ITPKC: variants seen among roughly 807,000 people sequenced by gnomAD.
ITPKC encodes IP3 3-kinase C.
In ITPKC, 33 loss-of-function variants were observed where a neutral mutation model predicts 67.1. The observed-to-expected ratio is 0.49, with a 90% CI of 0.37 to 0.66. The LOEUF is 0.66. Ranked by LOEUF, ITPKC falls within the 30% of genes least tolerant of loss-of-function variation. The pLI is 0.00. For missense variants in ITPKC, 820 were observed against 892.1 expected (o/e 0.92, Z 1.03); for synonymous variants, 341 against 359.8 (o/e 0.95, Z 0.59).
chr19:40,730,999 G>A (rs924288742), intron 3 of ITPKC, among the ~76,000 whole-genome samples: 2 of 152,176 alleles, frequency 1.3e-5, no homozygotes, highest in Non-Finnish European at 2.9e-5. Flanking sequence ...CCAGTCATAA[G>A]TTCAGGCCTT....
chr19:40,739,757 G>C lies in ITPKC; in HGVS notation c.*197G>C, dbSNP rs1176972016. The C allele has an allele frequency of 6.8e-6, 4 of 586,288 alleles. No homozygotes were observed. In the East Asian group the frequency reaches 1.1e-4, roughly 17 times the overall value. 36.3% of individuals were successfully genotyped at this position (586,288 alleles called of 1,614,324 possible). A position where few individuals can be genotyped will look rare whatever the true frequency, so the allele number is the denominator to read the frequency against. On this transcript the variant is annotated 3_prime_UTR_variant, in exon 7 of 7. Coordinates refer to ENST00000263370, the MANE Select transcript of ITPKC (RefSeq NM_025194.3). ...ACCAGGTAGCACCTGGCCCCATCAT[G>C]ATGCAGGGGTTTTGGGGACCTGGAA...
intron 1 of ITPKC, among the ~76,000 whole-genome samples, chr19:40,721,321 G>GA (rs1395959817): frequency 3.3e-5 from 5 of 151,380 alleles, no homozygotes; most frequent in Admixed American, 6.6e-5. Flanking sequence ...AGACCATTGT[G>GA]AAAAAAATCC....
At chr19:40,736,770 A>C (rs1215755878) in intron 4 of ITPKC, among the ~76,000 whole-genome samples, 1 of 151,298 alleles carries the variant, frequency 6.6e-6, no homozygotes, top group South Asian at 2.1e-4. Context: ...CTCCCAAAGC[A>C]CTGGGATTAT....
At position 40,717,500 on chromosome 19, in the gene ITPKC, C is replaced by T; in HGVS notation, c.365C>T (p.Thr122Met). 6.2e-7 allele frequency: 1 copy of T among 1,614,096 alleles called. No individual in the cohort carries two copies. Among genetic ancestry groups the T allele is most frequent in the East Asian group, 2.2e-5 (1 of 44,854 alleles). ...GAGCCAGACAGGTCCAGCCTCCGGA[C>T]GCATCTAGAATGGAGCTGGTCAGAG... ...KTEPDRSSLR[T>M]HLEWSWSELE... The change falls in exon 1 of 7, where the codon ACG (threonine) becomes ATG (methionine). Residue 122 changes from threonine (T) to methionine (M), a missense_variant. Thr to Met is a moderately conservative substitution (Grantham distance 81). Coordinates refer to ENST00000263370, the MANE Select transcript of ITPKC (RefSeq NM_025194.3).
chr19:40,733,501 T>C, intron 4 of ITPKC, 137 bp downstream of exon 4: 1 of 744,952 alleles, frequency 1.3e-6, no homozygotes, highest in South Asian at 1.9e-5. Context: ...GCCCAGCCTC[T>C]TTCTTACCTC....
Position 40,740,696 on chromosome 19 carries a change from T to A in ITPKC, c.*1136T>A, listed in dbSNP as rs1453514045. The A allele has an allele frequency of 8.8e-6, 3 of 342,290 alleles. No individual in the cohort carries two copies. The highest frequency in any genetic ancestry group is 4.8e-5 in the Admixed American group (1 of 20,864). 21.2% of individuals were successfully genotyped at this position (342,290 alleles called of 1,614,324 possible). The stretch of plus-strand genomic sequence containing the variant: ...CTTAAGCTGAAGCTCCCACACTGTC[T>A]TCCAGGGCTGAGGAGATGCTCTCCT... On this transcript the variant is annotated 3_prime_UTR_variant, in exon 7 of 7. Transcript: ENST00000263370.
chr19:40,740,069 C>CA lies in ITPKC; in HGVS notation c.*510dup, dbSNP rs1784803584. On this transcript the variant is annotated 3_prime_UTR_variant, in exon 7 of 7. Coordinates refer to ENST00000263370, the MANE Select transcript of ITPKC (RefSeq NM_025194.3). ...CTGCTGGACCATCTGGGGAGAGTGA[C>CA]AGTCCATGTCTTCACCAGGGAGCCA... 6.3e-6 allele frequency: 1 copy of CA among 158,152 alleles called. No individual in the cohort carries two copies. The highest frequency in any genetic ancestry group is 2.4e-5 in the African/African-American group (1 of 41,504). The allele number at this position is 158,152 out of a possible 1,614,324, so 9.8% of individuals were successfully genotyped here. A position where few individuals can be genotyped will look rare whatever the true frequency, so the allele number is the denominator to read the frequency against.
chr19:40,738,337 G>A (rs1487438747), intron 6 of ITPKC, among the ~76,000 whole-genome samples: 1 of 152,162 alleles, frequency 6.6e-6, no homozygotes, highest in Non-Finnish European at 1.5e-5. Context: ...GCTGAGGCAG[G>A]AGAATGGCAT....
At chr19:40,738,845 T>C (rs1360623905) in intron 6 of ITPKC, among the ~76,000 whole-genome samples, 2 of 152,100 alleles carry the variant, frequency 1.3e-5, no homozygotes, top group Non-Finnish European at 2.9e-5. Context: ...CCGGAAACTG[T>C]GGATAGTACT....
intron 2 of ITPKC, among the ~76,000 whole-genome samples, chr19:40,728,669 G>A (rs1481073350): frequency 6.6e-6 from 1 of 152,194 alleles, no homozygotes; most frequent in East Asian, 1.9e-4. Context: ...GCTGGGAACA[G>A]GACTTGGTTT....
rs2082281359 is a variant in ITPKC, at chr19:40,733,479, G to A, written c.1674+115G>A. ...AGGAGACGGCGTGGGATGAAAGGCT[G>A]GGGCTGGGGAAGCCCAGCCTCTTTC... On this transcript the variant is annotated intron_variant, in intron 4 of 6. Coordinates refer to ENST00000263370, the MANE Select transcript of ITPKC (RefSeq NM_025194.3). The A allele has an allele frequency of 1.5e-5, 15 of 977,090 alleles. No individual in the cohort carries two copies. In the South Asian group the frequency reaches 2.4e-4, roughly 16 times the overall value. The allele number at this position is 977,090 out of a possible 1,614,324, so 60.5% of individuals were successfully genotyped here.
chr19:40,721,710 G>T (rs2082223513), intron 1 of ITPKC, among the ~76,000 whole-genome samples: 1 of 151,626 alleles, frequency 6.6e-6, no homozygotes, highest in Non-Finnish European at 1.5e-5. Flanking sequence ...TTATGTTTAT[G>T]ATTAAGGGGC....
intron 2 of ITPKC, among the ~76,000 whole-genome samples, chr19:40,727,738 G>A (rs74834457): frequency 1.3e-5 from 2 of 152,210 alleles, no homozygotes; most frequent in Non-Finnish European, 2.9e-5. Context: ...GAAGGTAAGT[G>A]TCTCTGCCAA....
Position 40,717,690 on chromosome 19 carries a change from A to G in ITPKC, c.555A>G (p.Pro185=). 1 of 1,614,110 alleles carries G rather than the reference A, an allele frequency of 6.2e-7. No individual in the cohort carries two copies. Among genetic ancestry groups the G allele is most frequent in the Non-Finnish European group, 8.5e-7 (1 of 1,180,006 alleles). The part of the protein sequence containing the change: ...ELETHGSQTQ[P]ERVKSWADNL... ...AAACGCATGGGTCACAGACTCAGCC[A>G]GAGAGGGTCAAGTCCTGGGCTGATA... The change falls in exon 1 of 7, where the codon CCA becomes CCG. Residue 185 remains proline, a synonymous_variant. Transcript: ENST00000263370.
chr19:40,737,232 G>C (rs2082298803), intron 5 of ITPKC, 145 bp downstream of exon 5: 1 of 631,420 alleles, frequency 1.6e-6, no homozygotes, highest in Non-Finnish European at 2.8e-6. Context: ...CTGGTGGCTT[G>C]GCAAGGCTGG....
At position 40,733,353 on chromosome 19, in the gene ITPKC, G is replaced by T. The variant is rs372080751; in HGVS notation, c.1663G>T (p.Glu555Ter). The change falls in exon 4 of 7, where the codon GAG (glutamate) becomes TAG (stop). Residue 555 changes from glutamate (E) to a stop codon, truncating the protein, a stop_gained. Transcript: ENST00000263370. LOFTEE classifies it high-confidence loss of function. ...CACCTCTACCCTGGGCTTCCGGATCGAGGGCATCAAGGTGAGGACCAGGAA... is the reference window on the plus strand; with the variant it reads ...CACCTCTACCCTGGGCTTCCGGATCTAGGGCATCAAGGTGAGGACCAGGAA... ...SSTSTLGFRI[E>*]GIKKADGTCN... 2 of 1,609,388 alleles carry T rather than the reference G, an allele frequency of 1.2e-6. No homozygotes were observed. Among genetic ancestry groups the T allele is most frequent in the Non-Finnish European group, 1.7e-6 (2 of 1,177,858 alleles).
chr19:40,731,811 C>T (rs1188263067), intron 3 of ITPKC, among the ~76,000 whole-genome samples: 1 of 152,060 alleles, frequency 6.6e-6, no homozygotes, highest in Non-Finnish European at 1.5e-5. Context: ...TGGGGAGGGT[C>T]CTAAGACCCA....
At position 40,739,606 on chromosome 19, in the gene ITPKC, G is replaced by A. The variant is rs987317373; in HGVS notation, c.*46G>A. ...TTAATTGGATGGCGCCAGTCTGGCT[G>A]GAGGAGCCCTGAGATGCCATGGGAG... On this transcript the variant is annotated 3_prime_UTR_variant, in exon 7 of 7. Transcript: ENST00000263370. The A allele has an allele frequency of 2.6e-6, 4 of 1,550,788 alleles. No individual in the cohort carries two copies. The highest frequency in any genetic ancestry group is 1.4e-5 in the African/African-American group (1 of 73,478).
chr19:40,719,559 G>A (rs946680567), intron 1 of ITPKC, among the ~76,000 whole-genome samples: 7 of 151,212 alleles, frequency 4.6e-5, no homozygotes, highest in Admixed American at 2.6e-4. Flanking sequence ...GTGCCATCTC[G>A]GCTCACTGCA....
Sources: allele counts gnomAD v4.1 joint callset (sites outside exome capture counted in the v4.1 genomes callset), GRCh38; gene constraint gnomAD v4.1.1; transcripts MANE v1.5; gene names NCBI Gene and HGNC (gene_info 2026-07-23, HGNC 2026-07-21).